PAH: variants seen among roughly 807,000 people sequenced by gnomAD.
PAH encodes the protein phenylalanine-4-hydroxylase.
A neutral mutation model predicts 62.0 loss-of-function variants in PAH; 64 were observed. The observed-to-expected ratio is 1.03, with a 90% CI of 0.84 to 1.27. PAH has a LOEUF of 1.27. Among genes scored for constraint, PAH ranks in the 50% most tolerant of loss-of-function variants. The pLI is 0.00. For missense variants in PAH, 579 were observed against 542.8 expected (o/e 1.07, Z -0.66); for synonymous variants, 195 against 196.2 (o/e 0.99, Z 0.05).
At chr12:102,912,092 G>A (rs1029570999) in intron 2 of PAH, among the ~76,000 whole-genome samples, 2 of 152,158 alleles carry the variant, frequency 1.3e-5, no homozygotes, top group Non-Finnish European at 2.9e-5. Context: ...CCACAGTCAA[G>A]TAAGTTTGGA....
In PAH at chr12:102,839,040, G is replaced by A; in HGVS notation, c.*135C>T. ...TTCAGATTATTTTGACTTATTTGTT[G>A]TTTCTCCATCTTGTAAAGGATTTAA... On this transcript the variant is annotated 3_prime_UTR_variant, in exon 13 of 13. Transcript: ENST00000553106. 1.3e-6 allele frequency: 1 copy of A among 754,440 alleles called. No homozygotes were observed. The highest frequency in any genetic ancestry group is 2.3e-6 in the Non-Finnish European group (1 of 431,282). The allele number at this position is 754,440 out of a possible 1,614,324, so 46.7% of individuals were successfully genotyped here. A position where few individuals can be genotyped will look rare whatever the true frequency, so the allele number is the denominator to read the frequency against.
chr12:102,859,805 G>A (rs967777668), intron 5 of PAH, among the ~76,000 whole-genome samples: 2 of 152,114 alleles, frequency 1.3e-5, no homozygotes, highest in Non-Finnish European at 2.9e-5. Flanking sequence ...AATAAATTAG[G>A]TATTGATGGG....
intron 7 of PAH, 83 bp downstream of exon 7, chr12:102,852,732 A>C: frequency 6.4e-7 from 1 of 1,562,312 alleles, no homozygotes; most frequent in East Asian, 2.2e-5. Flanking sequence ...ACCAGCCAGC[A>C]ATGAACCCAA....
chr12:102,867,911 A>ATATACATATATAGATGTATATATACG (rs1565854245), intron 4 of PAH, among the ~76,000 whole-genome samples: 2 of 139,332 alleles, frequency 1.4e-5, no homozygotes, highest in African/African-American at 5.6e-5. Flanking sequence ...GTATATATAC[A>ATATACATATATAGATGTATATATACG]TGTATATACA....
upstream of PAH, among the ~76,000 whole-genome samples, chr12:102,921,848 T>G (rs1878557868): frequency 6.6e-6 from 1 of 152,206 alleles, no homozygotes; most frequent in Non-Finnish European, 1.5e-5. Context: ...GATCAAATTT[T>G]CTTTCTCTGA....
intron 4 of PAH, among the ~76,000 whole-genome samples, chr12:102,871,104 G>T (rs774348762): frequency 3.3e-5 from 5 of 152,110 alleles, no homozygotes; most frequent in Non-Finnish European, 5.9e-5. Context: ...TGGGTAAGTG[G>T]CCTCTCACCC....
At chr12:102,863,064 G>A (rs1029818548) in intron 5 of PAH, among the ~76,000 whole-genome samples, 7 of 152,116 alleles carry the variant, frequency 4.6e-5, no homozygotes, top group African/African-American at 1.7e-4. Flanking sequence ...CCTTGGCCCT[G>A]CCATTCCCTA....
intron 3 of PAH, among the ~76,000 whole-genome samples, chr12:102,884,359 G>A (rs1265499870): frequency 6.6e-6 from 1 of 152,198 alleles, no homozygotes; most frequent in Non-Finnish European, 1.5e-5. Flanking sequence ...GAGGACCTCA[G>A]GAGAGACCAC....
At chr12:102,873,938 C>T (rs116560762) in intron 4 of PAH, among the ~76,000 whole-genome samples, 136 of 152,256 alleles carry the variant, frequency 8.9e-4, no homozygotes, top group African/African-American at 3.0e-3. Context: ...ACTACAGTTT[C>T]GGAAACATGC....
At chr12:102,883,342 G>C (rs1876899787) in intron 3 of PAH, among the ~76,000 whole-genome samples, 2 of 152,046 alleles carry the variant, frequency 1.3e-5, no homozygotes, top group South Asian at 4.2e-4. Flanking sequence ...CTCAGTCAGG[G>C]TGCACCACCT....
Position 102,912,827 on chromosome 12 carries a change from T to A in PAH, c.132A>T (p.Glu44Asp). 1 of 1,613,424 alleles carries A rather than the reference T, an allele frequency of 6.2e-7. No individual in the cohort carries two copies. The highest frequency in any genetic ancestry group is 8.5e-7 in the Non-Finnish European group (1 of 1,179,382). ...GCAATACTTTGGCCAATGCACCAAC[T>A]TCTTCTTTGAGTGAGAAGATCAGTG... ...AISLIFSLKE[E>D]VGALAKVLRL... Residue 44 changes from glutamate to aspartate, a missense_variant, in exon 2 of 13, where the codon GAA becomes GAT. By Grantham distance (45) the Glu-to-Asp change is conservative. Transcript: ENST00000553106.
chr12:102,945,467 C>T (rs1037034149), intron 1 of PAH, among the ~76,000 whole-genome samples: 1 of 152,180 alleles, frequency 6.6e-6, no homozygotes, highest in Non-Finnish European at 1.5e-5. Flanking sequence ...TAGGAAACTA[C>T]CTGGTGCTCT....
chr12:102,922,959 A>G (rs763970772), intron 1 of PAH, among the ~76,000 whole-genome samples: 6 of 152,244 alleles, frequency 3.9e-5, no homozygotes, highest in African/African-American at 1.2e-4. Flanking sequence ...TGTATGGTCT[A>G]TCAATCCATA....
chr12:102,933,304 G>A (rs1336688550), intron 1 of PAH, among the ~76,000 whole-genome samples: 3 of 151,974 alleles, frequency 2.0e-5, no homozygotes, highest in Non-Finnish European at 4.4e-5. Flanking sequence ...CAAACAACAG[G>A]ATCTTATTCT....
intron 3 of PAH, among the ~76,000 whole-genome samples, chr12:102,880,706 G>A (rs971872968): frequency 6.6e-6 from 1 of 152,098 alleles, no homozygotes; most frequent in Non-Finnish European, 1.5e-5. Context: ...GTGCATACAA[G>A]GGAGTCACCA....
At chr12:102,888,297 T>C (rs1208008792) in intron 3 of PAH, among the ~76,000 whole-genome samples, 1 of 152,090 alleles carries the variant, frequency 6.6e-6, no homozygotes, top group Non-Finnish European at 1.5e-5. Flanking sequence ...GGAATTGAAC[T>C]GGAAAATCCA....
At chr12:102,849,482 A>C (rs1003436525) in intron 8 of PAH, among the ~76,000 whole-genome samples, 9 of 152,212 alleles carry the variant, frequency 5.9e-5, no homozygotes, top group Non-Finnish European at 8.8e-5. Context: ...TAAAGCCATG[A>C]AATTGAGTGA....
chr12:102,926,269 T>C (rs925667213), intron 1 of PAH, among the ~76,000 whole-genome samples: 2 of 151,934 alleles, frequency 1.3e-5, no homozygotes, highest in Non-Finnish European at 2.9e-5. Flanking sequence ...AACAAGGTAA[T>C]GTTTGAGCTG....
intron 5 of PAH, among the ~76,000 whole-genome samples, chr12:102,859,255 C>T (rs1197109684): frequency 6.6e-6 from 1 of 151,960 alleles, no homozygotes; most frequent in African/African-American, 2.4e-5. Flanking sequence ...ACACATACAC[C>T]CTCCCAAGAC....
Sources: allele counts gnomAD v4.1 joint callset (sites outside exome capture counted in the v4.1 genomes callset), GRCh38; gene constraint gnomAD v4.1.1; transcripts MANE v1.5; gene names NCBI Gene and HGNC (gene_info 2026-07-23, HGNC 2026-07-21).